Variants in APAF1 observed in about 807,000 individuals in gnomAD.
APAF1 encodes apoptotic peptidase activating factor 1, also known as apoptotic protease-activating factor 1.
Under a neutral mutation model 152.4 loss-of-function variants are expected in APAF1, and 91 were observed. That is an observed-to-expected ratio of 0.60 (90% CI 0.50 to 0.71). The LOEUF is 0.71. APAF1 is among the 30% of genes least tolerant of loss of function. The probability of loss-of-function intolerance (pLI) is 0.00; values close to 1 mark genes in which losing one functional copy is unlikely to be tolerated. For missense variants in APAF1, 1,283 were observed against 1,472.0 expected, an observed-to-expected ratio of 0.87 and a Z score of 2.10; for synonymous variants, 484 against 494.1, an observed-to-expected ratio of 0.98 and a Z score of 0.27.
chr12:98,690,441 A>G (rs941152031), intron 16 of APAF1, among the ~76,000 whole-genome samples: 5 of 152,096 alleles, frequency 3.3e-5, no homozygotes, highest in Admixed American at 1.3e-4. Context: ...CCCTCCTTTC[A>G]TTTTGTCAGC....
In APAF1 at chr12:98,659,163, G is replaced by A. The variant is rs2097661513; in HGVS notation, c.530G>A (p.Cys177Tyr). ...AVRDHSLLEGCFPGGVHWVSV... is the reference protein window; with the variant it reads ...AVRDHSLLEGYFPGGVHWVSV... The stretch of plus-strand genomic sequence containing the variant: ...TCATTATTCTTTCCCTCACTAGGTT[G>A]TTTCCCAGGGGGAGTGCATTGGGTT... Residue 177 changes from cysteine (C) to tyrosine (Y), a missense_variant, in exon 5 of 27, where the codon TGT (cysteine) becomes TAT (tyrosine). Cys to Tyr is a radical substitution (Grantham distance 194, BLOSUM62 -2). Coordinates refer to ENST00000551964, the MANE Select transcript of APAF1 (RefSeq NM_181861.2). 1.2e-6 allele frequency: 2 copies of A among 1,614,162 alleles called. No homozygotes were observed. The highest frequency in any genetic ancestry group is 2.2e-5 in the South Asian group (2 of 91,090).
At chr12:98,658,859 C>A (rs1408371081) in intron 4 of APAF1, among the ~76,000 whole-genome samples, 2 of 152,212 alleles carry the variant, frequency 1.3e-5, no homozygotes, top group African/African-American at 4.8e-5. Context: ...GGTTTAGAAA[C>A]TGTGCTGTGC....
intron 7 of APAF1, among the ~76,000 whole-genome samples, chr12:98,664,104 C>T (rs952834161): frequency 2.0e-5 from 3 of 151,976 alleles, no homozygotes; most frequent in African/African-American, 7.3e-5. Flanking sequence ...ACTGCAACCT[C>T]TGCTGCCCAG....
intron 7 of APAF1, among the ~76,000 whole-genome samples, chr12:98,663,464 T>C (rs1182558432): frequency 1.3e-5 from 2 of 152,182 alleles, no homozygotes; most frequent in Non-Finnish European, 2.9e-5. Context: ...TCCTCCTGCC[T>C]TAGCCTCCTA....
At position 98,706,380 on chromosome 12, in the gene APAF1, T is replaced by G. The variant is rs1299535774; in HGVS notation, c.2596-105T>G. 5 of 1,083,124 alleles carry G rather than the reference T, an allele frequency of 4.6e-6. No individual in the cohort carries two copies. The African/African-American group carries it at 4.6e-5, about 10-fold the overall frequency. The allele number at this position is 1,083,124 out of a possible 1,614,324, so 67.1% of individuals were successfully genotyped here. On this transcript the variant is annotated intron_variant, in intron 18 of 26. Coordinates refer to ENST00000551964, the MANE Select transcript of APAF1 (RefSeq NM_181861.2). ...TTTGATAGTGTGTTTCTGAGCAATA[T>G]TCATTGAAGTGGTATTGCTGGCTCA...
chr12:98,729,242 TC>T (rs1358753284), intron 26 of APAF1, among the ~76,000 whole-genome samples: 2 of 152,148 alleles, frequency 1.3e-5, no homozygotes, highest in Admixed American at 6.5e-5. Flanking sequence ...ATATCAGCGG[TC>T]CCCAGCCTTT....
rs776611505 is a variant in APAF1, at chr12:98,680,267, A to G, written c.1921-10A>G. On this transcript the variant is annotated splice_polypyrimidine_tract_variant and intron_variant, in intron 13 of 26. Transcript: ENST00000551964. ...TTATTATAAAAAATATTTTATTGTT[A>G]CTTGTGCAGGTGTTCAAAGCTGAAA... The G allele has an allele frequency of 1.9e-6, 3 of 1,580,476 alleles. No individual in the cohort carries two copies. Among genetic ancestry groups the G allele is most frequent in the East Asian group, 4.6e-5 (2 of 43,738 alleles).
chr12:98,708,539 A>C (rs771062804), intron 19 of APAF1, 46 bp from the exon 20 acceptor site: 2 of 1,595,408 alleles, frequency 1.3e-6, no homozygotes, highest in Middle Eastern at 2.0e-4. Flanking sequence ...AGATGAAGAC[A>C]TGTTATTTTA....
intron 21 of APAF1, among the ~76,000 whole-genome samples, 166 bp from the exon 22 acceptor site, chr12:98,715,261 T>TG (rs1466915238): frequency 3.9e-5 from 5 of 127,024 alleles, no homozygotes; most frequent in South Asian, 2.6e-4. Context: ...TATATATATA[T>TG]ATATATATAT....
In APAF1 at chr12:98,703,415, G is replaced by A. The variant is rs377621175; in HGVS notation, c.2511G>A (p.Thr837=). ...HTSGLLGEIH[T]GHHSTIQYCD... Reference sequence around the variant, plus strand: ...GTGGCCTATTGGGAGAAATCCACACGGGCCATCACAGCACCATCCAGTACT... The same window carrying A: ...GTGGCCTATTGGGAGAAATCCACACAGGCCATCACAGCACCATCCAGTACT... The change falls in exon 18 of 27, where the codon ACG becomes ACA. Residue 837 remains threonine, a synonymous_variant. Transcript: ENST00000551964. 75 of 1,613,918 alleles carry A rather than the reference G, an allele frequency of 4.6e-5. No individual in the cohort carries two copies. Among genetic ancestry groups the A allele is most frequent in the Non-Finnish European group, 5.3e-5 (63 of 1,179,980 alleles).
intron 26 of APAF1, among the ~76,000 whole-genome samples, chr12:98,731,267 C>T (rs530146709): frequency 6.6e-6 from 1 of 152,260 alleles, no homozygotes; most frequent in East Asian, 1.9e-4. Flanking sequence ...TATGAACATC[C>T]CCCCACCAGA....
intron 16 of APAF1, among the ~76,000 whole-genome samples, chr12:98,690,651 A>G (rs2097703132): frequency 1.3e-5 from 2 of 152,214 alleles, no homozygotes; most frequent in Non-Finnish European, 2.9e-5. Flanking sequence ...TTGTACAAAT[A>G]TAAGTTGTAC....
At position 98,735,246 on chromosome 12, in the gene APAF1, T is replaced by C; in HGVS notation, c.*2680T>C. 2.5e-6 allele frequency: 1 copy of C among 399,338 alleles called. No homozygotes were observed. Among genetic ancestry groups the C allele is most frequent in the Admixed American group, 4.4e-5 (1 of 22,788 alleles). 24.7% of individuals were successfully genotyped at this position (399,338 alleles called of 1,614,324 possible). On this transcript the variant is annotated 3_prime_UTR_variant, in exon 27 of 27. Coordinates refer to ENST00000551964, the MANE Select transcript of APAF1 (RefSeq NM_181861.2). The stretch of plus-strand genomic sequence containing the variant: ...AAAGCATTTTCCCTTGCTGTATTTT[T>C]TTGTATTATAAATTACATTGGACTT...
rs1450017905 is a variant in APAF1, at chr12:98,671,708, C to T, written c.1782C>T (p.Tyr594=). Residue 594 remains tyrosine, a synonymous_variant, in exon 12 of 27, where the codon TAC becomes TAT. Transcript: ENST00000551964. ...AKQEVDNGML[Y]LEWINKKNIT... ...AGGAGGTCGATAATGGAATGCTTTA[C>T]CTGGAATGGATGTAAGTAGGTTAGG... 2 of 1,613,840 alleles carry T rather than the reference C, an allele frequency of 1.2e-6. No individual in the cohort carries two copies. Among genetic ancestry groups the T allele is most frequent in the African/African-American group, 1.3e-5 (1 of 74,866 alleles).
Position 98,648,690 on chromosome 12 carries a change from A to G in APAF1, c.203A>G (p.Tyr68Cys), listed in dbSNP as rs1297807608. 4 of 1,613,896 alleles carry G rather than the reference A, an allele frequency of 2.5e-6. No homozygotes were observed. The highest frequency in any genetic ancestry group is 3.4e-6 in the Non-Finnish European group (4 of 1,179,878). ...KMILKKDNDS[Y>C]VSFYNALLHE... ...ATACTTAAAAAAGATAATGATTCCT[A>G]CGTATCATTCTACAATGCTCTACTA... The change falls in exon 3 of 27, where the codon TAC becomes TGC. Residue 68 changes from tyrosine (Y) to cysteine (C), a missense_variant. Transcript: ENST00000551964.
At chr12:98,723,868 CTGTT>C (rs1005659713) in intron 24 of APAF1, 104 bp downstream of exon 24, 2 of 1,222,000 alleles carry the variant, frequency 1.6e-6, no homozygotes, top group African/African-American at 3.0e-5. Flanking sequence ...CTCTACATGT[CTGTT>C]TCATATTTTG....
intron 22 of APAF1, among the ~76,000 whole-genome samples, chr12:98,720,647 A>G (rs745777559): frequency 1.3e-5 from 2 of 152,222 alleles, no homozygotes; most frequent in Non-Finnish European, 2.9e-5. Flanking sequence ...GCCAGTATAT[A>G]GGACTATGTT....
chr12:98,661,310 C>A (rs2097664947), intron 5 of APAF1, among the ~76,000 whole-genome samples: 1 of 152,032 alleles, frequency 6.6e-6, no homozygotes, highest in Non-Finnish European at 1.5e-5. Context: ...TCCTTTTTTG[C>A]AAAATTAAAA....
At position 98,648,633 on chromosome 12, in the gene APAF1, A is replaced by C. The variant is rs2097645249; in HGVS notation, c.146A>C (p.Gln49Pro). The change falls in exon 3 of 27, where the codon CAA becomes CCA. Residue 49 changes from glutamine (Q) to proline (P), a missense_variant. Transcript: ENST00000551964. ...CTACTTAATTTTTTTTAGCCCACTC[A>C]ACAGCAAAGAGCAGCTATGCTGATT... ...EEEKVRNEPTQQQRAAMLIKM... is the reference protein window; with the variant it reads ...EEEKVRNEPTPQQRAAMLIKM... 6.2e-7 allele frequency: 1 copy of C among 1,613,530 alleles called. No individual in the cohort carries two copies. The highest frequency in any genetic ancestry group is 1.1e-5 in the South Asian group (1 of 91,074).
Sources: allele counts gnomAD v4.1 joint callset (sites outside exome capture counted in the v4.1 genomes callset), GRCh38; gene constraint gnomAD v4.1.1; transcripts MANE v1.5; gene names NCBI Gene and HGNC (gene_info 2026-07-23, HGNC 2026-07-21).